The following CACNA1B variants were observed in gnomAD, a reference collection of about 807,000 sequenced individuals.
CACNA1B encodes the protein calcium voltage-gated channel subunit alpha1 B.
Under a neutral mutation model 247.2 loss-of-function variants are expected in CACNA1B, and 70 were observed. The ratio of observed to expected loss-of-function variants is 0.28; its 90% CI spans 0.23 to 0.35. The LOEUF is 0.35. Ranked by LOEUF, CACNA1B falls within the 10% of genes least tolerant of loss-of-function variation. CACNA1B has a pLI of 1.00. For missense variants in CACNA1B, 2,367 were observed against 3,197.4 expected (o/e 0.74, Z 6.26); for synonymous variants, 1,231 against 1,294.4 (o/e 0.95, Z 1.05).
At chr9:138,070,354 T>C (rs1261096301) in intron 32 of CACNA1B, among the ~76,000 whole-genome samples, 1 of 152,148 alleles carries the variant, frequency 6.6e-6, no homozygotes, top group Non-Finnish European at 1.5e-5. Flanking sequence ...AGGGTTCTTG[T>C]AGGGCTGAGT....
intron 6 of CACNA1B, among the ~76,000 whole-genome samples, chr9:137,940,081 A>T (rs2133317599): frequency 6.6e-6 from 1 of 152,220 alleles, no homozygotes; most frequent in East Asian, 1.9e-4. Context: ...ATCAGAGCAG[A>T]ACTAAATGAA....
chr9:138,049,340 G>C, intron 24 of CACNA1B, 25 bp downstream of exon 24: 1 of 1,362,200 alleles, frequency 7.3e-7, no homozygotes, highest in Non-Finnish European at 1.1e-6. Context: ...CTCTGCTCTG[G>C]CTAGGGAGAG....
intron 12 of CACNA1B, among the ~76,000 whole-genome samples, chr9:137,982,318 T>G (rs1271041875): frequency 6.6e-6 from 1 of 152,176 alleles, no homozygotes; most frequent in Non-Finnish European, 1.5e-5. Context: ...CTGGCAGGCC[T>G]CTGTTCCTGG....
Position 138,122,360 on chromosome 9 carries a change from C to T in CACNA1B, c.*361C>T. On this transcript the variant is annotated 3_prime_UTR_variant, in exon 47 of 47. Coordinates refer to ENST00000371372, the MANE Select transcript of CACNA1B (RefSeq NM_000718.4). The stretch of plus-strand genomic sequence containing the variant: ...GAGCCGTTGTGAGGAGCTCTGCGTC[C>T]TGTGGGGAGCACCCTTCACGTGGCC... 3.5e-6 allele frequency: 1 copy of T among 288,248 alleles called. No individual in the cohort carries two copies. The highest frequency in any genetic ancestry group is 6.5e-6 in the Non-Finnish European group (1 of 153,124). 17.9% of individuals were successfully genotyped at this position (288,248 alleles called of 1,614,324 possible).
chr9:137,946,631 T>A (rs1271655464), intron 6 of CACNA1B, among the ~76,000 whole-genome samples: 1 of 150,402 alleles, frequency 6.6e-6, no homozygotes, highest in Non-Finnish European at 1.5e-5. Context: ...AGGACTCAGG[T>A]CCCTCATGTG....
At chr9:137,951,698 G>A (rs1046527090) in intron 6 of CACNA1B, among the ~76,000 whole-genome samples, 2 of 152,362 alleles carry the variant, frequency 1.3e-5, no homozygotes, top group South Asian at 4.1e-4. Context: ...GGGAAAGAAG[G>A]TCCCTCTTTG....
At chr9:137,966,715 T>G (rs1420245884) in intron 10 of CACNA1B, among the ~76,000 whole-genome samples, 6 of 151,328 alleles carry the variant, frequency 4.0e-5, no homozygotes, top group African/African-American at 1.5e-4. Context: ...ATTTTTTGTA[T>G]TTTTAGTAGA....
At chr9:137,932,291 A>G (rs926151281) in intron 6 of CACNA1B, among the ~76,000 whole-genome samples, 4 of 151,958 alleles carry the variant, frequency 2.6e-5, no homozygotes, top group Non-Finnish European at 5.9e-5. Flanking sequence ...TGGATGGCTC[A>G]TTTGTGTCTG....
At chr9:137,996,132 A>G (rs904790299) in intron 15 of CACNA1B, among the ~76,000 whole-genome samples, 1 of 152,234 alleles carries the variant, frequency 6.6e-6, no homozygotes, top group African/African-American at 2.4e-5. Context: ...ATCTACCACC[A>G]TTTGATCAGC....
At chr9:138,095,653 T>C (rs1961029552) in intron 36 of CACNA1B, among the ~76,000 whole-genome samples, 1 of 152,158 alleles carries the variant, frequency 6.6e-6, no homozygotes, top group African/African-American at 2.4e-5. Context: ...TGTATCTGCA[T>C]AGAAACTTGT....
rs1168869937 is a variant in CACNA1B at position 137,919,679 on chromosome 9, T to G, written c.966+2248T>G. The stretch of plus-strand genomic sequence containing the variant: ...CAAGCAATGACATCTGGGTTCTTTG[T>G]GGGCGGAAGCCCACGGCCTGCAGTA... On this transcript the variant is annotated intron_variant, in intron 6 of 46. Coordinates refer to ENST00000371372, the MANE Select transcript of CACNA1B (RefSeq NM_000718.4). The surrounding 1 kb of genome is among the most constrained non-coding windows in gnomAD (Gnocchi z 4.6). Among the ~76,000 whole-genome samples the G allele has an allele frequency of 2.0e-5, 3 of 152,044 alleles. No individual in the cohort carries two copies. Among genetic ancestry groups the G allele is most frequent in the Non-Finnish European group, 2.9e-5 (2 of 68,000 alleles).
chr9:138,024,877 T>C, intron 19 of CACNA1B, 78 bp from the exon 20 acceptor site: 1 of 1,008,924 alleles, frequency 9.9e-7, no homozygotes. Context: ...CAAGTGATCC[T>C]CCTGCCTCTG....
intron 15 of CACNA1B, among the ~76,000 whole-genome samples, chr9:138,002,996 A>T (rs542751717): frequency 2.8e-4 from 42 of 151,518 alleles, no homozygotes; most frequent in African/African-American, 9.2e-4. Flanking sequence ...ACAGGGTTTC[A>T]CTGTGTTGGC....
At position 138,036,260 on chromosome 9, in the gene CACNA1B, C is replaced by T. The variant is rs534888865; in HGVS notation, c.3287-7514C>T. On this transcript the variant is annotated intron_variant, in intron 20 of 46. Transcript: ENST00000371372. ...GTTCATGCCATTCTCCTGCCTCAGC[C>T]TCCCGAGTAGCTGGGACTACAGGCG... Among the ~76,000 whole-genome samples the T allele has an allele frequency of 5.3e-5, 8 of 152,324 alleles. No homozygotes were observed. In the East Asian group the frequency reaches 7.7e-4, roughly 15 times the overall value.
intron 3 of CACNA1B, among the ~76,000 whole-genome samples, chr9:137,900,917 T>TCTGTGC (rs1957230826): frequency 6.7e-6 from 1 of 149,724 alleles, no homozygotes; most frequent in African/African-American, 2.5e-5. Context: ...TGTGTCTGTG[T>TCTGTGC]CTGTGCCATG....
chr9:138,048,659 A>G (rs1411091498), intron 23 of CACNA1B, among the ~76,000 whole-genome samples: 1 of 152,062 alleles, frequency 6.6e-6, no homozygotes, highest in African/African-American at 2.4e-5. Flanking sequence ...CTAGAGCTAT[A>G]TTCCTCCCCC....
At chr9:137,939,323 G>A (rs1169440865) in intron 6 of CACNA1B, among the ~76,000 whole-genome samples, 3 of 152,064 alleles carry the variant, frequency 2.0e-5, no homozygotes, top group Admixed American at 6.5e-5. Context: ...GCCACAAAAT[G>A]AGCCTCAATA....
At chr9:137,905,586 C>A (rs1312230533) in intron 3 of CACNA1B, among the ~76,000 whole-genome samples, 2 of 152,062 alleles carry the variant, frequency 1.3e-5, no homozygotes, top group East Asian at 3.9e-4. Context: ...CATAAATTTG[C>A]TTCAATGGTT....
At chr9:138,115,130 C>A (rs1353462234) in intron 41 of CACNA1B, among the ~76,000 whole-genome samples, 2 of 152,168 alleles carry the variant, frequency 1.3e-5, no homozygotes, top group African/African-American at 4.8e-5. Context: ...CAGCAGTCTT[C>A]CCCAGCCCTG....
Sources: gnomAD v4.1 joint callset for allele counts (sites outside exome capture counted in the v4.1 genomes callset) on GRCh38, gnomAD v4.1.1 for gene constraint, Gnocchi (gnomAD v3.1) non-coding constraint, MANE v1.5 for transcripts, NCBI Gene and HGNC (gene_info 2026-07-23, HGNC 2026-07-21) for gene names.